The following CENPH variants were observed in gnomAD, a reference collection of about 807,000 sequenced individuals.
The protein encoded by CENPH is centromere protein H.
Under a neutral mutation model 42.9 loss-of-function variants are expected in CENPH, and 40 were observed. The observed-to-expected ratio is 0.93, with a 90% CI of 0.72 to 1.21. The LOEUF (loss-of-function observed/expected upper bound fraction) is 1.21, where lower values mean the gene tolerates loss of function less well. Among genes scored for constraint, CENPH ranks in the 50% most tolerant of loss-of-function variants. CENPH has a pLI of 0.00. For missense variants in CENPH, 302 were observed against 292.9 expected (o/e 1.03, Z -0.23); for synonymous variants, 88 against 96.5 (o/e 0.91, Z 0.52).
chr5:69,207,464 CAGGT>C (rs1303445918), intron 7 of CENPH, among the ~76,000 whole-genome samples: 1 of 150,572 alleles, frequency 6.6e-6, no homozygotes, highest in Non-Finnish European at 1.5e-5. Context: ...GCTGGGATTA[CAGGT>C]GTGAGCCACC....
chr5:69,199,841 G>A (rs1039151537), intron 5 of CENPH, among the ~76,000 whole-genome samples: 7 of 152,078 alleles, frequency 4.6e-5, no homozygotes, highest in South Asian at 4.1e-4. Context: ...AGGCCGGTGC[G>A]GTGGCTCACG....
intron 5 of CENPH, among the ~76,000 whole-genome samples, chr5:69,200,823 C>T (rs1431642062): frequency 1.4e-5 from 1 of 70,992 alleles, no homozygotes; most frequent in African/African-American, 1.5e-4. Context: ...ACTGCAACCT[C>T]TGCCTCCAGG....
At chr5:69,191,748 C>A in intron 1 of CENPH, 47 bp from the exon 2 acceptor site, 2 of 1,168,134 alleles carry the variant, frequency 1.7e-6, no homozygotes, top group East Asian at 2.4e-5. Context: ...TGAGTAAAAC[C>A]TTAATCAATA....
At chr5:69,189,840 G>A in intron 1 of CENPH, 72 bp downstream of exon 1, 1 of 1,403,336 alleles carries the variant, frequency 7.1e-7, no homozygotes, top group Non-Finnish European at 9.3e-7. Flanking sequence ...TTGCTCAGAA[G>A]GGCTAGGGTT....
At chr5:69,195,404 T>C (rs1747948117) in intron 3 of CENPH, among the ~76,000 whole-genome samples, 1 of 152,170 alleles carries the variant, frequency 6.6e-6, no homozygotes, top group African/African-American at 2.4e-5. Flanking sequence ...GTTTTTATTT[T>C]TCCTTTCCTT....
intron 3 of CENPH, 63 bp from the exon 4 acceptor site, chr5:69,195,654 T>C (rs1372351771): frequency 1.1e-6 from 1 of 935,922 alleles, no homozygotes; most frequent in Non-Finnish European, 1.7e-6. Context: ...ATTTTATACA[T>C]TTATTTCAAT....
chr5:69,206,259 TGC>T, intron 7 of CENPH, among the ~76,000 whole-genome samples: 1 of 150,946 alleles, frequency 6.6e-6, no homozygotes, highest in Non-Finnish European at 1.5e-5. Context: ...CTCGGCTCAC[TGC>T]ACCTCCGCCT....
chr5:69,203,098 T>C (rs776385857), intron 7 of CENPH, 128 bp downstream of exon 7: 2 of 676,328 alleles, frequency 3.0e-6, no homozygotes, highest in Admixed American at 3.2e-5. Flanking sequence ...ATTTTTGACA[T>C]GGCAACTTAA....
rs547301250 is a variant in CENPH at position 69,206,434 on chromosome 5, G to T, written c.488-1762G>T. On this transcript the variant is annotated intron_variant, in intron 7 of 8. Transcript: ENST00000283006. ...TACCTCAGGTTATCCACCCACCTCGGCCTCCCAAAGTGCTGGGATTATACG... is the reference window on the plus strand; with the variant it reads ...TACCTCAGGTTATCCACCCACCTCGTCCTCCCAAAGTGCTGGGATTATACG... Among the ~76,000 whole-genome samples, 3 of 151,286 alleles carry T rather than the reference G, an allele frequency of 2.0e-5. No individual in the cohort carries two copies. The East Asian group carries it at 5.9e-4, about 30-fold the overall frequency.
At chr5:69,190,017 C>T (rs1163817066) in intron 1 of CENPH, among the ~76,000 whole-genome samples, 1 of 152,186 alleles carries the variant, frequency 6.6e-6, no homozygotes, top group East Asian at 1.9e-4. Flanking sequence ...GCCCCGGGCC[C>T]TTAGAAGCTG....
rs1282355836 is a variant in CENPH at position 69,209,843 on chromosome 5, A to G, written c.*44A>G. 10 of 1,114,468 alleles carry G rather than the reference A, an allele frequency of 9.0e-6. No individual in the cohort carries two copies. The highest frequency in any genetic ancestry group is 1.8e-5 in the Admixed American group (1 of 55,700). 69.0% of individuals were successfully genotyped at this position (1,114,468 alleles called of 1,614,324 possible). A position where few individuals can be genotyped will look rare whatever the true frequency, so the allele number is the denominator to read the frequency against. ...ATATTTTACATTTCTGGCAATCTCA[A>G]CTCTTATTTGGAATACTTCTGTGCA... On this transcript the variant is annotated 3_prime_UTR_variant, in exon 9 of 9. Transcript: ENST00000283006.
At position 69,209,690 on chromosome 5, in the gene CENPH, AT is replaced by A. The variant is rs532738235; in HGVS notation, c.652-9del. 2.5e-5 allele frequency: 35 copies of A among 1,391,076 alleles called. No homozygotes were observed. Among genetic ancestry groups the A allele is most frequent in the Admixed American group, 4.1e-5 (2 of 48,820 alleles). 86.2% of individuals were successfully genotyped at this position (1,391,076 alleles called of 1,614,324 possible). A position where few individuals can be genotyped will look rare whatever the true frequency, so the allele number is the denominator to read the frequency against. On this transcript the variant is annotated splice_polypyrimidine_tract_variant and intron_variant, in intron 8 of 8. Coordinates refer to ENST00000283006, the MANE Select transcript of CENPH (RefSeq NM_022909.4). ...TTAAAGTACTTGTAACTTTAAAACA[AT>A]TTTTTTTCTTTACAGAACCTTATTT...
chr5:69,200,112 CAA>C (rs373894870), intron 5 of CENPH, among the ~76,000 whole-genome samples: 109 of 51,400 alleles, frequency 2.1e-3, no homozygotes, highest in African/African-American at 6.5e-3. Flanking sequence ...GACTCTGTCT[CAA>C]AAAAAAAAAA....
At chr5:69,207,255 T>C (rs964188687) in intron 7 of CENPH, among the ~76,000 whole-genome samples, 1 of 151,794 alleles carries the variant, frequency 6.6e-6, no homozygotes, top group Admixed American at 6.6e-5. Context: ...AATGGTGCAA[T>C]CTCAGCTTAC....
Position 69,210,027 on chromosome 5 carries a change from A to G in CENPH, c.*228A>G, listed in dbSNP as rs60113639. On this transcript the variant is annotated 3_prime_UTR_variant, in exon 9 of 9. Transcript: ENST00000283006. ...TTGTTGTTGTTGTTTTTTGAGATGG[A>G]GTCTCGCTTTGTTGCCCAGACTGGA... The G allele has an allele frequency of 2.0e-5, 6 of 299,766 alleles. No homozygotes were observed. The highest frequency in any genetic ancestry group is 3.7e-5 in the Non-Finnish European group (6 of 163,196). The allele number at this position is 299,766 out of a possible 1,614,324, so 18.6% of individuals were successfully genotyped here. A position where few individuals can be genotyped will look rare whatever the true frequency, so the allele number is the denominator to read the frequency against.
At chr5:69,198,514 A>C (rs1285877247) in intron 5 of CENPH, among the ~76,000 whole-genome samples, 2 of 152,084 alleles carry the variant, frequency 1.3e-5, no homozygotes, top group Non-Finnish European at 2.9e-5. Context: ...GGTCTGACCT[A>C]GGCACTTCTA....
At chr5:69,204,034 T>TATATAAATATAATTTC (rs1460426166) in intron 7 of CENPH, among the ~76,000 whole-genome samples, 1 of 66,170 alleles carries the variant, frequency 1.5e-5, no homozygotes. Context: ...ATATATATAA[T>TATATAAATATAATTTC]TATATATATT....
At chr5:69,206,643 C>T (rs1395402827) in intron 7 of CENPH, among the ~76,000 whole-genome samples, 1 of 151,974 alleles carries the variant, frequency 6.6e-6, no homozygotes, top group Admixed American at 6.6e-5. Flanking sequence ...GGATTACAGG[C>T]GCCTGCCACC....
intron 7 of CENPH, among the ~76,000 whole-genome samples, chr5:69,204,597 CTTTTTTTTTTTTTT>C (rs530678541): frequency 2.9e-5 from 2 of 69,576 alleles, no homozygotes; most frequent in Admixed American, 4.7e-4. Flanking sequence ...GCTTGTATTT[CTTTTTTTTTTTTTT>C]TTTTTTTTTT....
Sources: gnomAD v4.1 joint callset for allele counts (sites outside exome capture counted in the v4.1 genomes callset) on GRCh38, gnomAD v4.1.1 for gene constraint, MANE v1.5 for transcripts, NCBI Gene and HGNC (gene_info 2026-07-23, HGNC 2026-07-21) for gene names.